Variants in NCOR2 observed in about 807,000 individuals in gnomAD.
The protein encoded by NCOR2 is CTG repeat protein 26.
NCOR2 carries 81 observed loss-of-function variants against 262.9 expected under a neutral mutation model. The ratio of observed to expected loss-of-function variants is 0.31; its 90% confidence interval spans 0.26 to 0.37. The LOEUF is 0.37. Among genes scored for constraint, NCOR2 ranks in the 10% least tolerant of loss-of-function variants. The pLI, the probability that NCOR2 is intolerant of heterozygous loss-of-function variation, is 1.00. For synonymous variants in NCOR2, 1,659 were observed against 1,559.3 expected, an observed-to-expected ratio of 1.06 and a Z score of -1.51; for missense variants, 3,385 against 3,621.4, an observed-to-expected ratio of 0.93 and a Z score of 1.68.
At chr12:124,567,405 A>G (rs1791128683) in exon 1 of NCOR2, 1 of 150,818 alleles carries the variant, frequency 6.6e-6, no homozygotes, top group Non-Finnish European at 1.5e-5. Context: ...GGGGGCGCGC[A>G]GCAGGCCCGG....
chr12:124,490,079 G>T (rs866882246), intron 1 of NCOR2, among the ~76,000 whole-genome samples: 54 of 152,194 alleles, frequency 3.5e-4, no homozygotes, highest in African/African-American at 1.3e-3. Context: ...AATGATGGCG[G>T]CTACAGTCAA....
intron 44 of NCOR2, among the ~76,000 whole-genome samples, chr12:124,328,086 G>C (rs183482851): frequency 1.6e-4 from 25 of 152,230 alleles, no homozygotes; most frequent in African/African-American, 5.8e-4. Context: ...CCTGTTTGGG[G>C]AACAGGCTGC....
At chr12:124,564,202 G>A (rs1299686327) in intron 1 of NCOR2, among the ~76,000 whole-genome samples, 1 of 152,202 alleles carries the variant, frequency 6.6e-6, no homozygotes, top group Admixed American at 6.5e-5. Context: ...CTGGCTCCAA[G>A]CTCCCTCAAA....
At chr12:124,357,526 G>C (rs555221474) in intron 22 of NCOR2, among the ~76,000 whole-genome samples, 1 of 152,206 alleles carries the variant, frequency 6.6e-6, no homozygotes, top group Non-Finnish European at 1.5e-5. Context: ...TGAACTACTG[G>C]GCTCAAGAGA....
chr12:124,410,256 A>G (rs2042500822), intron 13 of NCOR2, among the ~76,000 whole-genome samples: 1 of 147,912 alleles, frequency 6.8e-6, no homozygotes. Flanking sequence ...TGCCTCTCTG[A>G]TGCGATCGCC....
rs143419183 is a variant in NCOR2, at chr12:124,554,568, C to T, written c.-165+12740G>A. Among the ~76,000 whole-genome samples the T allele has an allele frequency of 2.9e-3, 442 of 152,374 alleles. 1 individual carries two copies. Among genetic ancestry groups the T allele is most frequent in the African/African-American group, 9.6e-3 (399 of 41,588 alleles). On this transcript the variant is annotated intron_variant, in intron 1 of 32. Coordinates refer to the NCOR2 transcript ENST00000458234. ...TCCAAGCACCCCCAGGCACTCCTTA[C>T]AGCACCGCGAGCACAGAGGCGGCCT... is the stretch of plus-strand genomic sequence containing the variant.
At position 124,566,370 on chromosome 12, in the gene NCOR2, G is replaced by A. The variant is rs763225232; in HGVS notation, c.-165+938C>T. ...AAACCTACAATGTAAAAATAACGCC[G>A]GGCGCCCCACGCTAATTGGGCCCGG... On this transcript the variant is annotated intron_variant, in intron 1 of 32. Coordinates refer to the NCOR2 transcript ENST00000458234. The surrounding 1 kb of genome is among the most constrained non-coding windows in gnomAD (Gnocchi z 4.3). 3.9e-5 allele frequency among the ~76,000 whole-genome samples: 6 copies of A among 152,134 alleles called. No homozygotes were observed. The highest frequency in any genetic ancestry group is 8.8e-5 in the Non-Finnish European group (6 of 68,020).
chr12:124,409,814 A>G (rs1291188834), intron 13 of NCOR2, among the ~76,000 whole-genome samples: 2 of 152,004 alleles, frequency 1.3e-5, no homozygotes, highest in Non-Finnish European at 2.9e-5. Flanking sequence ...AGAAGCTCGG[A>G]CCACAGCAGC....
In NCOR2 at chr12:124,479,049, T is replaced by TCCAGAACCCACAGG. The variant is rs536989571; in HGVS notation, c.411+4533_411+4546dup. Among the ~76,000 whole-genome samples, 1,144 of 152,182 alleles carry TCCAGAACCCACAGG rather than the reference T, an allele frequency of 7.5e-3. 6 individuals are homozygous for TCCAGAACCCACAGG. Among genetic ancestry groups the TCCAGAACCCACAGG allele is most frequent in the Middle Eastern group, 0.037 (11 of 294 alleles). ...GAGCAACGGTAAGGGATGGAGACCC[T>TCCAGAACCCACAGG]CCAGAACCCACAGGCCAGAGCGCAC... is the stretch of plus-strand genomic sequence containing the variant. On this transcript the variant is annotated intron_variant, in intron 3 of 46. Transcript: ENST00000405201.
chr12:124,335,679 C>T (rs1256285449), intron 38 of NCOR2, 47 bp from the exon 41 acceptor site: 20 of 1,555,492 alleles, frequency 1.3e-5, no homozygotes, highest in Middle Eastern at 2.3e-4. Context: ...CCCAGGGTTT[C>T]GGAGCCCGAG....
intron 5 of NCOR2, among the ~76,000 whole-genome samples, chr12:124,464,005 G>A (rs1416411872): frequency 6.6e-6 from 1 of 152,228 alleles, no homozygotes; most frequent in Non-Finnish European, 1.5e-5. Context: ...AAAGTGGGCA[G>A]GAATAAAATC....
At chr12:124,390,325 T>TC (rs2041202190) in intron 16 of NCOR2, among the ~76,000 whole-genome samples, 3 of 152,310 alleles carry the variant, frequency 2.0e-5, no homozygotes, top group Admixed American at 2.0e-4. Flanking sequence ...GCCCAGCCTC[T>TC]CTCTGGGTCA....
rs923385568 is a variant in NCOR2, at chr12:124,432,097, G to A, written c.883-1310C>T. Among the ~76,000 whole-genome samples the A allele has an allele frequency of 4.0e-5, 6 of 151,214 alleles. No homozygotes were observed. Among genetic ancestry groups the A allele is most frequent in the African/African-American group, 9.7e-5 (4 of 41,074 alleles). On this transcript the variant is annotated intron_variant, in intron 8 of 46. Coordinates refer to ENST00000405201, the Ensembl canonical transcript of NCOR2. The surrounding 1 kb of genome is among the most constrained non-coding windows in gnomAD (Gnocchi z 5.1). ...CACAGGCAGGCAGACACACACACAC[G>A]GTCATCCAGGCAGACATATGACAGA...
At chr12:124,405,755 T>TG (rs1347122436) in intron 13 of NCOR2, among the ~76,000 whole-genome samples, 1 of 152,126 alleles carries the variant, frequency 6.6e-6, no homozygotes, top group African/African-American at 2.4e-5. Context: ...CCTGAGGAGC[T>TG]GGGGGGACCC....
chr12:124,553,062 G>A (rs867791000), intron 1 of NCOR2, among the ~76,000 whole-genome samples: 16 of 152,266 alleles, frequency 1.1e-4, no homozygotes, highest in Middle Eastern at 3.4e-3. Context: ...TCAAGGTGTC[G>A]GTAGGCTGCA....
intron 16 of NCOR2, among the ~76,000 whole-genome samples, chr12:124,397,013 C>T (rs1380056968): frequency 6.6e-6 from 1 of 152,198 alleles, no homozygotes; most frequent in African/African-American, 2.4e-5. Flanking sequence ...GGAGTGGGGG[C>T]CTGGGCCTGC....
At chr12:124,344,849 G>A (rs771064688) in exon 32 of NCOR2, 1 of 1,569,106 alleles carries the variant, frequency 6.4e-7, no homozygotes, top group South Asian at 1.2e-5. Flanking sequence ...TCCAGCGGGT[G>A]CACGGGTGGG....
rs2047498962 is a variant in NCOR2 at position 124,481,686 on chromosome 12, G to A, written c.411+1910C>T. 6.6e-6 allele frequency among the ~76,000 whole-genome samples: 1 copy of A among 152,190 alleles called. No homozygotes were observed. Among genetic ancestry groups the A allele is most frequent in the Non-Finnish European group, 1.5e-5 (1 of 68,012 alleles). ...GCTGCAGGGAGATGAGGTCAGGGAGGTGACGGGGCTGGATCACGCCGGACC... is the reference window on the plus strand; with the variant it reads ...GCTGCAGGGAGATGAGGTCAGGGAGATGACGGGGCTGGATCACGCCGGACC... On this transcript the variant is annotated intron_variant, in intron 3 of 46. Coordinates refer to ENST00000405201, the Ensembl canonical transcript of NCOR2. The surrounding 1 kb of genome is among the most constrained non-coding windows in gnomAD (Gnocchi z 4.6).
At chr12:124,381,987 G>C (rs1056706470) in intron 17 of NCOR2, among the ~76,000 whole-genome samples, 1 of 152,224 alleles carries the variant, frequency 6.6e-6, no homozygotes, top group Non-Finnish European at 1.5e-5. Context: ...ACTCGGGCCA[G>C]ACCTAGTGCA....
Sources: gnomAD v4.1 joint callset for allele counts (sites outside exome capture counted in the v4.1 genomes callset) on GRCh38, gnomAD v4.1.1 for gene constraint, Gnocchi (gnomAD v3.1) non-coding constraint, MANE v1.5 for transcripts, NCBI Gene and HGNC (gene_info 2026-07-23, HGNC 2026-07-21) for gene names.